The following NME8 variants were observed in gnomAD, a reference collection of about 807,000 sequenced individuals.
The protein encoded by NME8 is NME/NM23 family member 8.
In NME8, 72 loss-of-function variants were observed where a neutral mutation model predicts 82.3. The observed-to-expected ratio is 0.87, with a 90% CI of 0.72 to 1.06. The LOEUF (loss-of-function observed/expected upper bound fraction) is 1.06. Among genes scored for constraint, NME8 ranks in the 50% least tolerant of loss-of-function variants. The pLI is 0.00. For synonymous variants in NME8, 267 were observed against 228.5 expected (o/e 1.17, Z -1.52); for missense variants, 712 against 685.4 (o/e 1.04, Z -0.43).
intron 12 of NME8, among the ~76,000 whole-genome samples, chr7:37,883,730 G>A (rs1231165874): frequency 6.6e-6 from 1 of 152,140 alleles, no homozygotes; most frequent in African/African-American, 2.4e-5. Flanking sequence ...ATTGACCATA[G>A]CTGGATCACA....
chr7:37,884,547 C>G, intron 13 of NME8, 100 bp downstream of exon 13: 1 of 999,254 alleles, frequency 1.0e-6, no homozygotes, highest in South Asian at 1.3e-5. Context: ...CTCCTCAAGT[C>G]TGTAAACATG....
intron 11 of NME8, among the ~76,000 whole-genome samples, chr7:37,873,397 A>G (rs578140371): frequency 8.1e-4 from 122 of 150,564 alleles, no homozygotes; most frequent in African/African-American, 2.8e-3. Flanking sequence ...GTCTTTATGT[A>G]CCTTTGAATA....
intron 5 of NME8, among the ~76,000 whole-genome samples, chr7:37,851,553 G>C (rs1287607361): frequency 6.6e-6 from 1 of 152,054 alleles, no homozygotes; most frequent in Non-Finnish European, 1.5e-5. Flanking sequence ...ATTTAATATG[G>C]AAAAAGAAAG....
At chr7:37,882,466 G>A (rs1418980526) in intron 12 of NME8, among the ~76,000 whole-genome samples, 3 of 151,132 alleles carry the variant, frequency 2.0e-5, no homozygotes, top group African/African-American at 7.3e-5. Context: ...CAGCCTGGGC[G>A]ACAGAGTGAG....
At chr7:37,865,502 T>G in intron 9 of NME8, 23 bp from the exon 10 acceptor site, 1 of 1,535,786 alleles carries the variant, frequency 6.5e-7, no homozygotes, top group Non-Finnish European at 9.0e-7. Context: ...ACACCTGGAT[T>G]TGACCTTACT....
chr7:37,849,842 G>A (rs928363904), intron 2 of NME8, among the ~76,000 whole-genome samples: 5 of 139,300 alleles, frequency 3.6e-5, no homozygotes, highest in Non-Finnish European at 7.6e-5. Flanking sequence ...CTGCACTCCA[G>A]TCTGGCAACA....
intron 11 of NME8, among the ~76,000 whole-genome samples, chr7:37,875,489 G>A (rs1318210581): frequency 6.6e-6 from 1 of 151,990 alleles, no homozygotes; most frequent in African/African-American, 2.4e-5. Context: ...ACAAATATGG[G>A]ACAGTGTTAA....
chr7:37,865,718 C>G (rs1004095358), intron 10 of NME8, 101 bp downstream of exon 10: 8 of 769,820 alleles, frequency 1.0e-5, no homozygotes, highest in Non-Finnish European at 1.8e-5. Context: ...TAAGTCTGAA[C>G]AACTAAAATA....
At chr7:37,850,580 A>C in intron 4 of NME8, 49 bp from the exon 5 acceptor site, 2 of 1,533,038 alleles carry the variant, frequency 1.3e-6, no homozygotes, top group Non-Finnish European at 1.8e-6. Context: ...GATAACTGCT[A>C]TCCTAGATTG....
chr7:37,885,153 C>T lies in NME8; in HGVS notation c.1148C>T (p.Ser383Phe), dbSNP rs758221619. 14 of 1,609,040 alleles carry T rather than the reference C, an allele frequency of 8.7e-6. No homozygotes were observed. In the South Asian group the frequency reaches 1.3e-4, roughly 15 times the overall value. Residue 383 changes from serine (S) to phenylalanine (F), a missense_variant, in exon 14 of 18, where the codon TCT becomes TTT. By Grantham distance (155) the Ser-to-Phe change is radical. Coordinates refer to ENST00000199447, the MANE Select transcript of NME8 (RefSeq NM_016616.5). ...KLIENMTSGP[S>F]LALVLLRDNG... ...GTTTTCTTTTCTAATAGTGGTCCAT[C>T]TCTAGCCCTTGTTTTATTGAGAGAC...
intron 12 of NME8, among the ~76,000 whole-genome samples, chr7:37,877,632 T>C (rs955978376): frequency 1.5e-4 from 23 of 152,250 alleles, no homozygotes; most frequent in Non-Finnish European, 5.9e-5. Flanking sequence ...CGTAGTTTCC[T>C]TGGCATTTCT....
At chr7:37,887,078 G>A (rs1011446045) in intron 14 of NME8, among the ~76,000 whole-genome samples, 3 of 149,702 alleles carry the variant, frequency 2.0e-5, no homozygotes, top group South Asian at 2.1e-4. Flanking sequence ...GAAATGAGCA[G>A]TGAGCATTAT....
chr7:37,881,850 C>T (rs184174034), intron 12 of NME8, among the ~76,000 whole-genome samples: 1 of 152,314 alleles, frequency 6.6e-6, no homozygotes, highest in Non-Finnish European at 1.5e-5. Flanking sequence ...TAGGGCTAAT[C>T]ATATTACCTA....
In NME8 at chr7:37,877,019, A is replaced by C. The variant is rs1229992897; in HGVS notation, c.994+12A>C. ...TCATGAAAGGAAAGGTAGGGAATCA[A>C]GCATAAATTGTTTAAGTATTTTATA... On this transcript the variant is annotated intron_variant, in intron 12 of 17. Transcript: ENST00000199447. 1 of 1,604,730 alleles carries C rather than the reference A, an allele frequency of 6.2e-7. No homozygotes were observed. The highest frequency in any genetic ancestry group is 1.1e-5 in the South Asian group (1 of 90,822).
chr7:37,894,186 A>C (rs994195651), intron 15 of NME8, among the ~76,000 whole-genome samples: 10 of 152,174 alleles, frequency 6.6e-5, no homozygotes, highest in African/African-American at 2.4e-4. Flanking sequence ...TATTCTTAGC[A>C]TGAGAGCAGG....
chr7:37,866,191 A>G (rs751326289), intron 10 of NME8, among the ~76,000 whole-genome samples: 6 of 152,102 alleles, frequency 3.9e-5, no homozygotes, highest in South Asian at 2.1e-4. Flanking sequence ...TACTAGATAC[A>G]TGTGATCATT....
At position 37,858,635 on chromosome 7, in the gene NME8, T is replaced by TG. The variant is rs1196584967; in HGVS notation, c.270+1296dup. Among the ~76,000 whole-genome samples the TG allele has an allele frequency of 1.1e-4, 17 of 151,974 alleles. No individual in the cohort carries two copies. In the East Asian group the frequency reaches 2.7e-3, roughly 24 times the overall value. ...TAACAACACAGAGGCAGAATGGGCT[T>TG]GGGGGGCTCATGGAACAATGAGGAG... On this transcript the variant is annotated intron_variant, in intron 6 of 17. Coordinates refer to ENST00000199447, the MANE Select transcript of NME8 (RefSeq NM_016616.5).
At chr7:37,865,645 CTA>C (rs1784665593) in intron 10 of NME8, 28 bp downstream of exon 10, 1 of 1,488,384 alleles carries the variant, frequency 6.7e-7, no homozygotes, top group South Asian at 1.1e-5. Flanking sequence ...AAAAAATCCT[CTA>C]TGTGTTTAAA....
At chr7:37,857,419 T>A (rs1448790688) in intron 6 of NME8, 74 bp downstream of exon 6, 1 of 962,156 alleles carries the variant, frequency 1.0e-6, no homozygotes, top group East Asian at 2.5e-5. Context: ...ATTGTAAAAT[T>A]ACCATGAAAT....
Sources: allele counts gnomAD v4.1 joint callset (sites outside exome capture counted in the v4.1 genomes callset), GRCh38; gene constraint gnomAD v4.1.1; transcripts MANE v1.5; gene names NCBI Gene and HGNC (gene_info 2026-07-23, HGNC 2026-07-21).